Variants in ZNF681 observed in about 807,000 individuals in gnomAD.
ZNF681 encodes the protein hypothetical protein FLJ31526.
Under a neutral mutation model 56.0 loss-of-function variants are expected in ZNF681, and 37 were observed. That is an observed-to-expected ratio of 0.66 (90% CI 0.51 to 0.87). The LOEUF is 0.87. Among genes scored for constraint, ZNF681 ranks in the 40% least tolerant of loss-of-function variants. The pLI, the probability that ZNF681 is intolerant of heterozygous loss-of-function variation, is 0.00. For missense variants in ZNF681, 741 were observed against 744.9 expected, an observed-to-expected ratio of 0.99 and a Z score of 0.06; for synonymous variants, 225 against 248.6, an observed-to-expected ratio of 0.91 and a Z score of 0.89.
Position 23,743,841 on chromosome 19 carries a change from G to C in ZNF681, c.1709C>G (p.Ala570Gly), listed in dbSNP as rs746010690. Reference sequence around the variant, plus strand: ...AGTAAGGTGTGAGGACTGGTTAAAGGCTTTACCACATTCTTCACATTGGTA... The same window carrying C: ...AGTAAGGTGTGAGGACTGGTTAAAGCCTTTACCACATTCTTCACATTGGTA... Reference protein sequence around the residue: ...KPYQCEECGKAFNQSSHLTRH... With the variant: ...KPYQCEECGKGFNQSSHLTRH... Residue 570 changes from alanine to glycine, a missense_variant, in exon 4 of 4, where the codon GCC becomes GGC. Coordinates refer to ENST00000402377, the MANE Select transcript of ZNF681 (RefSeq NM_138286.3). 6.2e-7 allele frequency: 1 copy of C among 1,612,830 alleles called. No homozygotes were observed.
At position 23,742,437 on chromosome 19, in the gene ZNF681, GCCAAGATCACA is replaced by G. The variant is rs1968884354; in HGVS notation, c.*1164_*1174del. On this transcript the variant is annotated 3_prime_UTR_variant, in exon 4 of 4. Coordinates refer to ENST00000402377, the MANE Select transcript of ZNF681 (RefSeq NM_138286.3). ...ACCTGGGAGGTGGAGGTTTTGGTGAGCCAAGATCACACCATTGCACTCCAGCCTGGGCAACA... is the reference window on the plus strand; with the variant it reads ...ACCTGGGAGGTGGAGGTTTTGGTGAGCCATTGCACTCCAGCCTGGGCAACA... The G allele has an allele frequency of 6.6e-6, 1 of 151,260 alleles. No homozygotes were observed. Among genetic ancestry groups the G allele is most frequent in the South Asian group, 2.1e-4 (1 of 4,796 alleles). The allele number at this position is 151,260 out of a possible 1,614,324, so 9.4% of individuals were successfully genotyped here.
Position 23,742,656 on chromosome 19 carries a change from A to C in ZNF681, c.*956T>G, listed in dbSNP as rs1239737110. On this transcript the variant is annotated 3_prime_UTR_variant, in exon 4 of 4. Coordinates refer to ENST00000402377, the MANE Select transcript of ZNF681 (RefSeq NM_138286.3). ...ATTTTCATCTTGCATCTTACATTTTAATGTCCTTAACTCTTTCACTAAAAA... is the reference window on the plus strand; with the variant it reads ...ATTTTCATCTTGCATCTTACATTTTCATGTCCTTAACTCTTTCACTAAAAA... 8 of 152,132 alleles carry C rather than the reference A, an allele frequency of 5.3e-5. No homozygotes were observed. In the East Asian group the frequency reaches 9.6e-4, roughly 18 times the overall value. 9.4% of individuals were successfully genotyped at this position (152,132 alleles called of 1,614,324 possible). A position where few individuals can be genotyped will look rare whatever the true frequency, so the allele number is the denominator to read the frequency against.
At position 23,755,534 on chromosome 19, in the gene ZNF681, C is replaced by T; in HGVS notation, c.21G>A (p.Arg7=). ...CCAGAGAGAATTCTATGGCCACATC[C>T]CTAAATTTCAATGGTTCCTGAAAAA... MEPLKF[R]DVAIEFSLEE... Residue 7 remains arginine (R), a synonymous_variant, in exon 2 of 4, where the codon AGG becomes AGA. Transcript: ENST00000402377. 6.3e-7 allele frequency: 1 copy of T among 1,578,316 alleles called. No individual in the cohort carries two copies. Among genetic ancestry groups the T allele is most frequent in the South Asian group, 1.1e-5 (1 of 90,416 alleles).
In ZNF681 at chr19:23,744,924, C is replaced by T; in HGVS notation, c.626G>A (p.Gly209Glu). ...TTTATGTTTAGTAAAGATTGAGGAT[C>T]CATTAAAGGCTTTTCCACAGTCTTC... ...KCEDCGKAFNGSSIFTKHKRI... is the reference protein window; with the variant it reads ...KCEDCGKAFNESSIFTKHKRI... Residue 209 changes from glycine to glutamate, a missense_variant, in exon 4 of 4, where the codon GGA becomes GAA. Coordinates refer to ENST00000402377, the MANE Select transcript of ZNF681 (RefSeq NM_138286.3). 2 of 1,602,288 alleles carry T rather than the reference C, an allele frequency of 1.2e-6. No individual in the cohort carries two copies. Among genetic ancestry groups the T allele is most frequent in the South Asian group, 2.2e-5 (2 of 89,270 alleles).
intron 1 of ZNF681, among the ~76,000 whole-genome samples, chr19:23,757,595 T>A (rs1018383563): frequency 6.6e-6 from 1 of 152,106 alleles, no homozygotes; most frequent in Non-Finnish European, 1.5e-5. Context: ...ATAAAATATA[T>A]ACTTTATTTT....
In ZNF681 at chr19:23,744,325, G is replaced by C. The variant is rs1303013551; in HGVS notation, c.1225C>G (p.Leu409Val). Residue 409 changes from leucine (L) to valine (V), a missense_variant, in exon 4 of 4, where the codon CTT becomes GTT. Coordinates refer to ENST00000402377, the MANE Select transcript of ZNF681 (RefSeq NM_138286.3). ...GTATGAATGCTCTTATGTCTAGTAA[G>C]GTGTGAGGACTTGTTAAAAGCTTTG... is the stretch of plus-strand genomic sequence containing the variant. ...CGKAFNKSSH[L>V]TRHKSIHTGE... The C allele has an allele frequency of 6.2e-7, 1 of 1,613,744 alleles. No individual in the cohort carries two copies. Among genetic ancestry groups the C allele is most frequent in the Non-Finnish European group, 8.5e-7 (1 of 1,179,916 alleles).
Position 23,740,762 on chromosome 19 carries a change from A to C in ZNF681, c.*2850T>G, listed in dbSNP as rs1968865879. 1.3e-5 allele frequency: 2 copies of C among 152,190 alleles called. No individual in the cohort carries two copies. Among genetic ancestry groups the C allele is most frequent in the South Asian group, 4.1e-4 (2 of 4,830 alleles). 9.4% of individuals were successfully genotyped at this position (152,190 alleles called of 1,614,324 possible). ...TTATACAGCGTTCTCCAATTAAAAG[A>C]ACAAAATAAAATATTCTAACAACAT... On this transcript the variant is annotated 3_prime_UTR_variant, in exon 4 of 4. Coordinates refer to ENST00000402377, the MANE Select transcript of ZNF681 (RefSeq NM_138286.3).
intron 1 of ZNF681, among the ~76,000 whole-genome samples, chr19:23,757,522 T>C (rs1026998688): frequency 6.6e-6 from 1 of 152,164 alleles, no homozygotes; most frequent in African/African-American, 2.4e-5. Flanking sequence ...ACTAGATCTG[T>C]AAGAATAGAA....
Position 23,755,555 on chromosome 19 carries a change from A to T in ZNF681, c.4-4T>A. 1 of 1,473,036 alleles carries T rather than the reference A, an allele frequency of 6.8e-7. No homozygotes were observed. The highest frequency in any genetic ancestry group is 9.2e-7 in the Non-Finnish European group (1 of 1,082,700). The allele number at this position is 1,473,036 out of a possible 1,614,324, so 91.2% of individuals were successfully genotyped here. A position where few individuals can be genotyped will look rare whatever the true frequency, so the allele number is the denominator to read the frequency against. ...CATCCCTAAATTTCAATGGTTCCTG[A>T]AAAACACACACACACACACACACAC... On this transcript the variant is annotated splice_polypyrimidine_tract_variant and splice_region_variant and intron_variant, in intron 1 of 3. Coordinates refer to ENST00000402377, the MANE Select transcript of ZNF681 (RefSeq NM_138286.3).
chr19:23,748,724 T>TAA (rs1241275111), intron 3 of ZNF681, among the ~76,000 whole-genome samples: 2 of 152,086 alleles, frequency 1.3e-5, no homozygotes, highest in African/African-American at 4.8e-5. Context: ...ATAATTGAAA[T>TAA]AAATTTTAAT....
Position 23,755,548 on chromosome 19 carries a change from G to A in ZNF681, c.7C>T (p.Pro3Ser), listed in dbSNP as rs1969100904. Residue 3 changes from proline to serine, a missense_variant, in exon 2 of 4, where the codon CCA becomes TCA. By Grantham distance (74) the Pro-to-Ser change is moderately conservative (BLOSUM62 -1). Coordinates refer to ENST00000402377, the MANE Select transcript of ZNF681 (RefSeq NM_138286.3). The part of the protein sequence containing the change: ME[P>S]LKFRDVAIEF... ...ATGGCCACATCCCTAAATTTCAATG[G>A]TTCCTGAAAAACACACACACACACA... 1.4e-6 allele frequency: 2 copies of A among 1,466,760 alleles called. No homozygotes were observed. Among genetic ancestry groups the A allele is most frequent in the African/African-American group, 3.1e-5 (2 of 64,020 alleles). 90.9% of individuals were successfully genotyped at this position (1,466,760 alleles called of 1,614,324 possible).
At chr19:23,757,710 G>A (rs547480126) in intron 1 of ZNF681, among the ~76,000 whole-genome samples, 1 of 152,214 alleles carries the variant, frequency 6.6e-6, no homozygotes, top group South Asian at 2.1e-4. Flanking sequence ...TATGAGGCAA[G>A]ACTTAAGGGT....
In ZNF681 at chr19:23,744,798, T is replaced by C; in HGVS notation, c.752A>G (p.Asp251Gly). Reference protein sequence around the residue: ...LTTHKIIYTRDKLYKREECSK... With the variant: ...LTTHKIIYTRGKLYKREECSK... Reference sequence around the variant, plus strand: ...ACATTCTTCACGTTTGTAGAGTTTGTCTCTAGTATAAATTATCTTATGTGT... The same window carrying C: ...ACATTCTTCACGTTTGTAGAGTTTGCCTCTAGTATAAATTATCTTATGTGT... Residue 251 changes from aspartate (D) to glycine (G), a missense_variant, in exon 4 of 4, where the codon GAC becomes GGC. Physicochemically the swap from Asp to Gly is moderately conservative, Grantham distance 94. Transcript: ENST00000402377. 1 of 1,613,204 alleles carries C rather than the reference T, an allele frequency of 6.2e-7. No homozygotes were observed. The highest frequency in any genetic ancestry group is 8.5e-7 in the Non-Finnish European group (1 of 1,179,620).
intron 3 of ZNF681, among the ~76,000 whole-genome samples, chr19:23,749,442 A>G (rs1397238181): frequency 6.6e-6 from 1 of 152,116 alleles, no homozygotes; most frequent in African/African-American, 2.4e-5. Flanking sequence ...ACATGTCTGA[A>G]AAGTACAGCT....
At chr19:23,758,417 A>C (rs1358822240) in intron 1 of ZNF681, among the ~76,000 whole-genome samples, 4 of 152,172 alleles carry the variant, frequency 2.6e-5, no homozygotes, top group South Asian at 2.1e-4. Flanking sequence ...CCACGGACCA[A>C]AGCTCTTCCC....
rs1378767098 is a variant in ZNF681, at chr19:23,743,549, GA to G, written c.*62del. On this transcript the variant is annotated 3_prime_UTR_variant, in exon 4 of 4. Transcript: ENST00000402377. The stretch of plus-strand genomic sequence containing the variant: ...ACACTTGTAGGTTTTTTTTTAGTAT[GA>G]ATTATCTTATGCACAATCAAGTGTG... 39 of 1,348,314 alleles carry G rather than the reference GA, an allele frequency of 2.9e-5. No individual in the cohort carries two copies. In the East Asian group the frequency reaches 9.7e-4, roughly 33 times the overall value. 83.5% of individuals were successfully genotyped at this position (1,348,314 alleles called of 1,614,324 possible). A position where few individuals can be genotyped will look rare whatever the true frequency, so the allele number is the denominator to read the frequency against.
rs931328424 is a variant in ZNF681, at chr19:23,743,475, C to T, written c.*137G>A. On this transcript the variant is annotated 3_prime_UTR_variant, in exon 4 of 4. Coordinates refer to ENST00000402377, the MANE Select transcript of ZNF681 (RefSeq NM_138286.3). ...AATTTTTTTCTAGTACAAATGCTTT[C>T]CTGTGCAATAAGGTGTGAGCATTGG... 1.3e-6 allele frequency: 1 copy of T among 741,958 alleles called. No individual in the cohort carries two copies. The highest frequency in any genetic ancestry group is 2.0e-6 in the Non-Finnish European group (1 of 504,458). The allele number at this position is 741,958 out of a possible 1,614,324, so 46.0% of individuals were successfully genotyped here. A position where few individuals can be genotyped will look rare whatever the true frequency, so the allele number is the denominator to read the frequency against.
At chr19:23,757,912 C>G (rs1278498382) in intron 1 of ZNF681, among the ~76,000 whole-genome samples, 1 of 151,998 alleles carries the variant, frequency 6.6e-6, no homozygotes, top group African/African-American at 2.4e-5. Flanking sequence ...AGACCCTGCC[C>G]TATCAATTAT....
At chr19:23,757,316 A>G (rs1403935313) in intron 1 of ZNF681, among the ~76,000 whole-genome samples, 1 of 152,192 alleles carries the variant, frequency 6.6e-6, no homozygotes, top group African/African-American at 2.4e-5. Context: ...GGGAGCTGGT[A>G]CTGTTTAATA....
Sources: gnomAD v4.1 joint callset for allele counts (sites outside exome capture counted in the v4.1 genomes callset) on GRCh38, gnomAD v4.1.1 for gene constraint, MANE v1.5 for transcripts, NCBI Gene and HGNC (gene_info 2026-07-23, HGNC 2026-07-21) for gene names.